Variants in LACTB2 observed in about 807,000 individuals in gnomAD.
LACTB2 encodes the protein endoribonuclease LACTB2.
In LACTB2, 32 loss-of-function variants were observed where a neutral mutation model predicts 34.8. That is an observed-to-expected ratio of 0.92 (90% CI 0.69 to 1.24). The LOEUF is 1.24. LACTB2 is among the 50% of genes most tolerant of loss of function. The probability of loss-of-function intolerance (pLI) is 0.00; values close to 1 mark genes in which losing one functional copy is unlikely to be tolerated. For synonymous variants in LACTB2, 120 were observed against 117.5 expected (o/e 1.02, Z -0.14); for missense variants, 320 against 345.0 (o/e 0.93, Z 0.57).
intron 4 of LACTB2, among the ~76,000 whole-genome samples, chr8:70,642,277 C>T: frequency 6.6e-6 from 1 of 152,120 alleles, no homozygotes; most frequent in East Asian, 1.9e-4. Flanking sequence ...GCTATCAGCC[C>T]GCAATCCTTT....
At chr8:70,652,917 C>T (rs1818361969) in intron 3 of LACTB2, among the ~76,000 whole-genome samples, 1 of 147,578 alleles carries the variant, frequency 6.8e-6, no homozygotes, top group African/African-American at 2.5e-5. Context: ...TAAACCAGTA[C>T]TGTGATTCCC....
intron 3 of LACTB2, among the ~76,000 whole-genome samples, chr8:70,648,498 G>A (rs1459204322): frequency 6.6e-6 from 1 of 151,970 alleles, no homozygotes; most frequent in Non-Finnish European, 1.5e-5. Flanking sequence ...ATAAAAACAT[G>A]TAGTAAGATT....
At chr8:70,638,988 T>C (rs1818159970) in intron 5 of LACTB2, among the ~76,000 whole-genome samples, 1 of 152,052 alleles carries the variant, frequency 6.6e-6, no homozygotes, top group African/African-American at 2.4e-5. Flanking sequence ...TCCACCTGCC[T>C]CGGCCTCCCA....
At chr8:70,638,480 G>T (rs1329633428) in intron 6 of LACTB2, 68 bp downstream of exon 6, 12 of 1,444,646 alleles carry the variant, frequency 8.3e-6, no homozygotes, top group Non-Finnish European at 1.0e-5. Context: ...TTTCCTCAAA[G>T]GAAACTAAGG....
chr8:70,639,530 A>G (rs1361324152), intron 5 of LACTB2, among the ~76,000 whole-genome samples: 1 of 152,250 alleles, frequency 6.6e-6, no homozygotes, highest in African/African-American at 2.4e-5. Context: ...GCAGAAACAC[A>G]TTAATATTTT....
Position 70,637,420 on chromosome 8 carries a change from A to G in LACTB2, c.*440T>C, listed in dbSNP as rs948362281. Reference sequence around the variant, plus strand: ...TTGATAGAAACATCAAGACAAAGCAATTATGTACAGATAGAGACAAGGGTT... The same window carrying G: ...TTGATAGAAACATCAAGACAAAGCAGTTATGTACAGATAGAGACAAGGGTT... On this transcript the variant is annotated 3_prime_UTR_variant, in exon 7 of 7. Transcript: ENST00000276590. 2.0e-5 allele frequency: 3 copies of G among 152,312 alleles called. No individual in the cohort carries two copies. The highest frequency in any genetic ancestry group is 1.9e-4 in the East Asian group (1 of 5,206). 9.4% of individuals were successfully genotyped at this position (152,312 alleles called of 1,614,324 possible).
At chr8:70,661,687 C>T (rs1440619902) in intron 2 of LACTB2, 47 bp downstream of exon 2, 1 of 1,531,438 alleles carries the variant, frequency 6.5e-7, no homozygotes. Context: ...AAATTATTCT[C>T]CAAACACGGC....
intron 6 of LACTB2, 98 bp downstream of exon 6, chr8:70,638,450 G>C (rs996007468): frequency 1.6e-6 from 2 of 1,268,062 alleles, no homozygotes; most frequent in African/African-American, 3.2e-5. Context: ...ATTCATGGGA[G>C]AACTCTGATG....
At chr8:70,644,799 T>G (rs1299833307) in intron 3 of LACTB2, among the ~76,000 whole-genome samples, 3 of 152,078 alleles carry the variant, frequency 2.0e-5, no homozygotes, top group Non-Finnish European at 4.4e-5. Flanking sequence ...TTTTCTTACT[T>G]TATAAATAAT....
In LACTB2 at chr8:70,644,186, T is replaced by C. The variant is rs771727222; in HGVS notation, c.471A>G (p.Glu157=). The change falls in exon 4 of 7, where the codon GAA becomes GAG. Residue 157 remains glutamate, a synonymous_variant. Coordinates refer to ENST00000276590, the MANE Select transcript of LACTB2 (RefSeq NM_016027.3). ...TGCAATCTCCAGAAAAGATAGCATT[T>C]TCCTCTTCTAAGAGTAGAGCCATGT... ...DDHMALLLEE[E]NAIFSGDCIL... is the part of the protein sequence containing the mutation. The C allele has an allele frequency of 3.0e-5, 49 of 1,613,142 alleles. No individual in the cohort carries two copies. In the Middle Eastern group the frequency reaches 2.6e-3, roughly 87 times the overall value.
rs1032764188 is a variant in LACTB2, at chr8:70,660,243, C to A, written c.286+1491G>T. The A allele has an allele frequency of 1.9e-5, 5 of 256,530 alleles. No homozygotes were observed. The East Asian group carries it at 5.5e-4, about 28-fold the overall frequency. The allele number at this position is 256,530 out of a possible 1,614,324, so 15.9% of individuals were successfully genotyped here. ...GGATGGGATTATAAGCACACACCAC[C>A]GTCCCTGGCATAAAATAGTTTTTTA... On this transcript the variant is annotated intron_variant, in intron 2 of 6. Coordinates refer to ENST00000276590, the MANE Select transcript of LACTB2 (RefSeq NM_016027.3).
intron 2 of LACTB2, among the ~76,000 whole-genome samples, chr8:70,659,657 A>G (rs979564184): frequency 3.9e-5 from 6 of 152,250 alleles, no homozygotes; most frequent in African/African-American, 1.2e-4. Context: ...CTTTCAGTAA[A>G]GAAATGGAGG....
chr8:70,646,056 T>C (rs1252371030), intron 3 of LACTB2: 2 of 152,222 alleles, frequency 1.3e-5, no homozygotes, highest in East Asian at 3.9e-4. Flanking sequence ...TCTAGATCCC[T>C]GAGGAATCGC....
At chr8:70,667,958 G>T (rs1024814992) in intron 1 of LACTB2, among the ~76,000 whole-genome samples, 1 of 152,158 alleles carries the variant, frequency 6.6e-6, no homozygotes, top group Non-Finnish European at 1.5e-5. Flanking sequence ...GTACCCTAGA[G>T]ATCTGGCATT....
At chr8:70,655,360 C>T (rs1436585903) in intron 3 of LACTB2, among the ~76,000 whole-genome samples, 1 of 151,944 alleles carries the variant, frequency 6.6e-6, no homozygotes, top group African/African-American at 2.4e-5. Flanking sequence ...GCTGGGATTA[C>T]AGGCATGCAC....
chr8:70,660,563 T>C (rs1377381175), intron 2 of LACTB2: 1 of 454,726 alleles, frequency 2.2e-6, no homozygotes, highest in Admixed American at 2.4e-5. Flanking sequence ...TAAGCATGAA[T>C]GTTCTTGACC....
Position 70,661,886 on chromosome 8 carries a change from A to G in LACTB2, c.134T>C (p.Ile45Thr), listed in dbSNP as rs781028565. The change falls in exon 2 of 7, where the codon ATT (isoleucine) becomes ACT (threonine). Residue 45 changes from isoleucine (I) to threonine (T), a missense_variant. By Grantham distance (89) the Ile-to-Thr change is moderately conservative (BLOSUM62 -1). Coordinates refer to ENST00000276590, the MANE Select transcript of LACTB2 (RefSeq NM_016027.3). ...TGGAATTGCTGGTTCTCCAGTGTCA[A>G]TGAGGATTCTCCTGAAAATTAAATG... is the stretch of plus-strand genomic sequence containing the variant. Reference protein sequence around the residue: ...LVGTGPRRILIDTGEPAIPEY... With the variant: ...LVGTGPRRILTDTGEPAIPEY... 1.4e-5 allele frequency: 22 copies of G among 1,606,170 alleles called. No homozygotes were observed. Among genetic ancestry groups the G allele is most frequent in the South Asian group, 2.2e-5 (2 of 89,322 alleles).
At chr8:70,649,178 G>A (rs1264239177) in intron 3 of LACTB2, among the ~76,000 whole-genome samples, 1 of 152,076 alleles carries the variant, frequency 6.6e-6, no homozygotes, top group Non-Finnish European at 1.5e-5. Context: ...AAACAGAGGG[G>A]GTTTTAAGAA....
intron 3 of LACTB2, chr8:70,652,602 T>G (rs1818356438): frequency 6.6e-6 from 1 of 152,178 alleles, no homozygotes; most frequent in Admixed American, 6.5e-5. Flanking sequence ...TTGGCATCAA[T>G]TCACTCCAGG....
Sources: allele counts gnomAD v4.1 joint callset (sites outside exome capture counted in the v4.1 genomes callset), GRCh38; gene constraint gnomAD v4.1.1; transcripts MANE v1.5; gene names NCBI Gene and HGNC (gene_info 2026-07-23, HGNC 2026-07-21).